GPC6: variants seen among roughly 807,000 people sequenced by gnomAD.
GPC6 encodes the protein glypican-6.
Under a neutral mutation model 55.2 loss-of-function variants are expected in GPC6, and 14 were observed. The ratio of observed to expected loss-of-function variants is 0.25; its 90% confidence interval spans 0.17 to 0.40. GPC6 has a LOEUF of 0.40. Ranked by LOEUF, GPC6 falls within the 10% of genes least tolerant of loss-of-function variation. The pLI is 1.00. For missense variants in GPC6, 641 were observed against 708.5 expected, an observed-to-expected ratio of 0.90 and a Z score of 1.08; for synonymous variants, 278 against 259.6, an observed-to-expected ratio of 1.07 and a Z score of -0.68.
chr13:93,856,759 C>A (rs965147240), intron 3 of GPC6, among the ~76,000 whole-genome samples: 4 of 151,572 alleles, frequency 2.6e-5, no homozygotes, highest in Non-Finnish European at 5.9e-5. Flanking sequence ...GAAATAAGCA[C>A]TTTGGAGAAA....
At chr13:94,333,334 G>A (rs1486951146) in intron 6 of GPC6, among the ~76,000 whole-genome samples, 1 of 152,148 alleles carries the variant, frequency 6.6e-6, no homozygotes, top group Non-Finnish European at 1.5e-5. Context: ...GGCATCTTAT[G>A]GTCAGCATCT....
chr13:94,307,313 T>C (rs1210106012), intron 6 of GPC6, among the ~76,000 whole-genome samples: 1 of 152,184 alleles, frequency 6.6e-6, no homozygotes, highest in Non-Finnish European at 1.5e-5. Flanking sequence ...ACCTGGCTTA[T>C]ATCTATTCTT....
chr13:93,615,945 A>T (rs1878699083), intron 2 of GPC6, among the ~76,000 whole-genome samples: 1 of 152,158 alleles, frequency 6.6e-6, no homozygotes, highest in South Asian at 2.1e-4. Context: ...AACTAAAACA[A>T]GAATTACAAA....
chr13:93,574,767 G>A (rs1289809976), intron 2 of GPC6, among the ~76,000 whole-genome samples: 1 of 152,018 alleles, frequency 6.6e-6, no homozygotes, highest in African/African-American at 2.4e-5. Context: ...CAACTCATGT[G>A]CGTTCTGTCT....
chr13:94,273,329 A>AAAG (rs1410915967), intron 4 of GPC6, among the ~76,000 whole-genome samples: 1 of 152,206 alleles, frequency 6.6e-6, no homozygotes, highest in Non-Finnish European at 1.5e-5. Flanking sequence ...TTAAGGATTC[A>AAAG]AAGTAACTCA....
chr13:94,269,643 C>T (rs1891930241), intron 4 of GPC6, among the ~76,000 whole-genome samples: 3 of 152,106 alleles, frequency 2.0e-5, no homozygotes, highest in Admixed American at 6.6e-5. Context: ...CGACCACCTG[C>T]GTCTTTCACT....
At chr13:93,968,180 A>G (rs1228026620) in intron 3 of GPC6, among the ~76,000 whole-genome samples, 1 of 152,222 alleles carries the variant, frequency 6.6e-6, no homozygotes, top group Non-Finnish European at 1.5e-5. Flanking sequence ...AGAAGAAATG[A>G]AAGGATGTAG....
In GPC6 at chr13:94,233,225, G is replaced by A. The variant is rs1890784853; in HGVS notation, c.878-53124G>A. On this transcript the variant is annotated intron_variant, in intron 4 of 8. Coordinates refer to ENST00000377047, the MANE Select transcript of GPC6 (RefSeq NM_005708.5). ...TGTATAAAGGAAATTTTTTTGGATG[G>A]AGAGAATTATGTAAAGCCCAGCTCT... Among the ~76,000 whole-genome samples the A allele has an allele frequency of 2.0e-5, 3 of 151,744 alleles. No individual in the cohort carries two copies. In the South Asian group the frequency reaches 6.2e-4, roughly 32 times the overall value.
chr13:93,886,878 G>GAAA (rs1327265732), intron 3 of GPC6, among the ~76,000 whole-genome samples: 1 of 151,426 alleles, frequency 6.6e-6, no homozygotes, highest in East Asian at 1.9e-4. Flanking sequence ...CTGAGAAGAA[G>GAAA]AAATTCTATG....
intron 4 of GPC6, among the ~76,000 whole-genome samples, chr13:94,234,110 C>A (rs2139016892): frequency 6.6e-6 from 1 of 152,140 alleles, no homozygotes; most frequent in East Asian, 1.9e-4. Context: ...TTTAGTCACA[C>A]CTCATTTCCC....
chr13:93,957,131 C>T (rs1013314171), intron 3 of GPC6, among the ~76,000 whole-genome samples: 1 of 151,994 alleles, frequency 6.6e-6, no homozygotes, highest in Non-Finnish European at 1.5e-5. Context: ...TGCCCTAGTA[C>T]ATAACTATTT....
intron 1 of GPC6, among the ~76,000 whole-genome samples, chr13:93,246,413 A>AT (rs34089504): frequency 6.6e-6 from 1 of 151,782 alleles, no homozygotes; most frequent in African/African-American, 2.4e-5. Flanking sequence ...AACTAGAGGT[A>AT]TTTTTTTTCT....
At chr13:94,048,439 T>TA (rs373000312) in intron 4 of GPC6, among the ~76,000 whole-genome samples, 2,590 of 151,588 alleles carry the variant, frequency 0.017, 72 homozygotes, top group South Asian at 0.076. Context: ...GACTTGCAAG[T>TA]AAAAAAAATT....
chr13:94,222,896 T>C (rs1030140528), intron 4 of GPC6, among the ~76,000 whole-genome samples: 1 of 152,140 alleles, frequency 6.6e-6, no homozygotes, highest in Non-Finnish European at 1.5e-5. Context: ...ATCTTAGTTA[T>C]TGCCACTGAT....
chr13:94,181,584 T>C (rs1007378854), intron 4 of GPC6, among the ~76,000 whole-genome samples: 1 of 152,202 alleles, frequency 6.6e-6, no homozygotes, highest in African/African-American at 2.4e-5. Context: ...TTTAATTCAC[T>C]TTATTAAGGT....
chr13:93,753,280 A>G (rs1222141677), intron 2 of GPC6, among the ~76,000 whole-genome samples: 1 of 152,156 alleles, frequency 6.6e-6, no homozygotes, highest in Non-Finnish European at 1.5e-5. Flanking sequence ...TTCTAACACA[A>G]CTAACAACAC....
At chr13:94,381,830 C>T (rs1412506339) in intron 6 of GPC6, among the ~76,000 whole-genome samples, 3 of 152,196 alleles carry the variant, frequency 2.0e-5, no homozygotes, top group Admixed American at 6.5e-5. Context: ...TACACTTACC[C>T]GTATTTAGAA....
At chr13:93,962,427 AT>A (rs951717339) in intron 3 of GPC6, among the ~76,000 whole-genome samples, 3 of 151,700 alleles carry the variant, frequency 2.0e-5, no homozygotes, top group African/African-American at 7.3e-5. Flanking sequence ...ATATATATAT[AT>A]TTTTTTTCTT....
intron 2 of GPC6, among the ~76,000 whole-genome samples, chr13:93,597,007 CAAAAA>C (rs10709473): frequency 0.062 from 4,221 of 68,028 alleles, 183 homozygotes; most frequent in African/African-American, 0.15. Context: ...TCAAATCTGG[CAAAAA>C]AAAAAAAAAA....
Sources: gnomAD v4.1 joint callset for allele counts (sites outside exome capture counted in the v4.1 genomes callset) on GRCh38, gnomAD v4.1.1 for gene constraint, MANE v1.5 for transcripts, NCBI Gene and HGNC (gene_info 2026-07-23, HGNC 2026-07-21) for gene names.